Variants in OXR1 observed in about 807,000 individuals in gnomAD.
OXR1 encodes the protein oxidation resistance 1.
OXR1 carries 41 observed loss-of-function variants against 104.6 expected under a neutral mutation model. That is an observed-to-expected ratio of 0.39 (90% CI 0.31 to 0.51). OXR1 has a LOEUF of 0.51. Ranked by LOEUF, OXR1 falls within the 20% of genes least tolerant of loss-of-function variation. The pLI is 0.77. For synonymous variants in OXR1, 348 were observed against 348.4 expected (o/e 1.00, Z 0.01); for missense variants, 955 against 1,031.9 (o/e 0.93, Z 1.02).
In OXR1 at chr8:106,285,995, T is replaced by G. The variant is rs141639831; in HGVS notation, c.-139+15628T>G. Among the ~76,000 whole-genome samples the G allele has an allele frequency of 2.0e-5, 3 of 152,012 alleles. No homozygotes were observed. In the East Asian group the frequency reaches 5.8e-4, roughly 29 times the overall value. Reference sequence around the variant, plus strand: ...CCACCTTTTTCAGTCCTGTGGTAGATGTGGGGCTAATGTGACCTATCCAGC... The same window carrying G: ...CCACCTTTTTCAGTCCTGTGGTAGAGGTGGGGCTAATGTGACCTATCCAGC... On this transcript the variant is annotated intron_variant, in intron 1 of 16. Coordinates refer to ENST00000517566, the MANE Select transcript of OXR1 (RefSeq NM_001198533.2).
At chr8:106,651,370 T>C (rs1824556686) in intron 3 of OXR1, among the ~76,000 whole-genome samples, 1 of 152,224 alleles carries the variant, frequency 6.6e-6, no homozygotes, top group African/African-American at 2.4e-5. Flanking sequence ...TATGTTTTCT[T>C]CTAGGAATTT....
intron 2 of OXR1, among the ~76,000 whole-genome samples, chr8:106,474,636 T>A (rs1821702988): frequency 6.6e-6 from 1 of 151,906 alleles, no homozygotes; most frequent in African/African-American, 2.4e-5. Context: ...GCCATACTCA[T>A]TTGTGTATTA....
intron 14 of OXR1, among the ~76,000 whole-genome samples, chr8:106,741,068 A>G (rs1265897200): frequency 6.6e-6 from 1 of 152,136 alleles, no homozygotes; most frequent in East Asian, 1.9e-4. Context: ...GCATTATGTT[A>G]TTTAATCATG....
intron 3 of OXR1, among the ~76,000 whole-genome samples, chr8:106,548,887 C>T (rs1563597437): frequency 6.6e-6 from 1 of 152,144 alleles, no homozygotes; most frequent in Non-Finnish European, 1.5e-5. Context: ...TTTCTGGCAG[C>T]CTAAAACCAG....
chr8:106,551,860 ATGTGTGTGTGTGTGTGTG>A (rs71307068), intron 3 of OXR1, among the ~76,000 whole-genome samples: 6 of 126,576 alleles, frequency 4.7e-5, no homozygotes, highest in South Asian at 2.7e-4. Flanking sequence ...GTGTATATAT[ATGTGTGTGTGTGTGTGTG>A]TGTGTGTGTG....
At chr8:106,390,892 C>T (rs760186196) in intron 2 of OXR1, among the ~76,000 whole-genome samples, 3 of 152,086 alleles carry the variant, frequency 2.0e-5, no homozygotes, top group Non-Finnish European at 2.9e-5. Context: ...TTAATTTGCT[C>T]TTTGGAAGCC....
At chr8:106,419,234 T>G (rs1818805728) in intron 2 of OXR1, among the ~76,000 whole-genome samples, 1 of 152,190 alleles carries the variant, frequency 6.6e-6, no homozygotes, top group Non-Finnish European at 1.5e-5. Flanking sequence ...TCTTCCTTCC[T>G]CAGAACTCAC....
chr8:106,705,660 A>G (rs1831076141), intron 8 of OXR1, among the ~76,000 whole-genome samples: 1 of 152,128 alleles, frequency 6.6e-6, no homozygotes, highest in African/African-American at 2.4e-5. Context: ...AGAGGTTTAC[A>G]CTCCCTCTTT....
At chr8:106,460,165 C>T (rs1470416167) in intron 2 of OXR1, among the ~76,000 whole-genome samples, 2 of 152,168 alleles carry the variant, frequency 1.3e-5, no homozygotes, top group African/African-American at 2.4e-5. Context: ...TTACTTTTAA[C>T]ACCATTGCTC....
intron 3 of OXR1, among the ~76,000 whole-genome samples, chr8:106,595,107 C>T (rs937847851): frequency 6.6e-6 from 1 of 152,178 alleles, no homozygotes; most frequent in Non-Finnish European, 1.5e-5. Context: ...TTTGTGTGGA[C>T]GACCAGTTTG....
chr8:106,733,904 C>G (rs1417332387), intron 11 of OXR1, among the ~76,000 whole-genome samples: 3 of 149,980 alleles, frequency 2.0e-5, no homozygotes, highest in African/African-American at 7.3e-5. Flanking sequence ...CTTTTTTTTC[C>G]TTTTCCCAGT....
At chr8:106,476,645 T>C (rs1821827263) in intron 2 of OXR1, among the ~76,000 whole-genome samples, 1 of 151,954 alleles carries the variant, frequency 6.6e-6, no homozygotes, top group African/African-American at 2.4e-5. Flanking sequence ...TTCAGGCAGA[T>C]ATCCTTTCTC....
At chr8:106,273,632 C>A (rs892332738) in intron 1 of OXR1, among the ~76,000 whole-genome samples, 2 of 152,152 alleles carry the variant, frequency 1.3e-5, no homozygotes, top group Non-Finnish European at 2.9e-5. Context: ...TTAAAAGCAA[C>A]CCCTTTTAGG....
At chr8:106,636,981 G>A (rs1823195257) in intron 3 of OXR1, among the ~76,000 whole-genome samples, 1 of 152,148 alleles carries the variant, frequency 6.6e-6, no homozygotes, top group Admixed American at 6.5e-5. Flanking sequence ...CACAAGAGCA[G>A]CTCCTGCATA....
chr8:106,700,497 T>G (rs1245847918), intron 7 of OXR1, among the ~76,000 whole-genome samples: 3 of 152,184 alleles, frequency 2.0e-5, no homozygotes, highest in Non-Finnish European at 4.4e-5. Context: ...TATATCAGTG[T>G]GTCTTTTTAG....
intron 11 of OXR1, among the ~76,000 whole-genome samples, chr8:106,719,705 A>T (rs1226079235): frequency 6.6e-6 from 1 of 152,190 alleles, no homozygotes; most frequent in Non-Finnish European, 1.5e-5. Flanking sequence ...AGTGTCTGTT[A>T]ACATGTTATT....
chr8:106,576,466 CA>C (rs55917847), intron 3 of OXR1, among the ~76,000 whole-genome samples: 1,812 of 112,400 alleles, frequency 0.016, 23 homozygotes, highest in African/African-American at 0.052. Context: ...CACAGTTATT[CA>C]AAAAAAAAAA....
intron 7 of OXR1, among the ~76,000 whole-genome samples, chr8:106,696,082 A>T (rs1430421513): frequency 6.6e-6 from 1 of 152,136 alleles, no homozygotes; most frequent in Non-Finnish European, 1.5e-5. Flanking sequence ...GATTAGTTTC[A>T]TTGGGCTGAA....
intron 3 of OXR1, among the ~76,000 whole-genome samples, chr8:106,601,527 T>G (rs142990381): frequency 1.3e-5 from 2 of 152,306 alleles, no homozygotes; most frequent in East Asian, 3.9e-4. Flanking sequence ...AATTCCCTCA[T>G]GGGTTCCACC....
Sources: allele counts gnomAD v4.1 joint callset (sites outside exome capture counted in the v4.1 genomes callset), GRCh38; gene constraint gnomAD v4.1.1; transcripts MANE v1.5; gene names NCBI Gene and HGNC (gene_info 2026-07-23, HGNC 2026-07-21).